Variants in ARHGAP24 observed in about 807,000 individuals in gnomAD.
The protein encoded by ARHGAP24 is Rho GTPase activating protein 24, also known as rho GTPase-activating protein 24.
In ARHGAP24, 50 loss-of-function variants were observed where a neutral mutation model predicts 76.4. That is an observed-to-expected ratio of 0.65 (90% CI 0.52 to 0.83). The LOEUF (loss-of-function observed/expected upper bound fraction) is 0.83, where lower values mean the gene tolerates loss of function less well. Among genes scored for constraint, ARHGAP24 ranks in the 40% least tolerant of loss-of-function variants. ARHGAP24 has a pLI of 0.00. For missense variants in ARHGAP24, 930 were observed against 914.2 expected, an observed-to-expected ratio of 1.02 and a Z score of -0.22; for synonymous variants, 345 against 323.3, an observed-to-expected ratio of 1.07 and a Z score of -0.72.
chr4:85,553,292 G>A lies in ARHGAP24; in HGVS notation c.-20-17230G>A, dbSNP rs191376031. Among the ~76,000 whole-genome samples, 39 of 152,240 alleles carry A rather than the reference G, an allele frequency of 2.6e-4. 1 individual carries two copies. Among genetic ancestry groups the A allele is most frequent in the African/African-American group, 7.5e-4 (31 of 41,536 alleles). The stretch of plus-strand genomic sequence containing the variant: ...GCTTACACAGCAGGGAAGGGGACCC[G>A]CAGTGGGTTGCCGCTACTGGCTCAG... On this transcript the variant is annotated intron_variant, in intron 1 of 9. Transcript: ENST00000395184.
intron 3 of ARHGAP24, among the ~76,000 whole-genome samples, chr4:85,797,275 C>G (rs1268986229): frequency 2.0e-5 from 3 of 152,034 alleles, no homozygotes; most frequent in Non-Finnish European, 4.4e-5. Context: ...CGGGTTCACG[C>G]CATTCTCCTG....
At chr4:85,664,416 G>T (rs919669169) in intron 2 of ARHGAP24, among the ~76,000 whole-genome samples, 6 of 151,022 alleles carry the variant, frequency 4.0e-5, no homozygotes, top group African/African-American at 1.5e-4. Flanking sequence ...TTCTGTATTA[G>T]TCTTGCTAGC....
At chr4:85,619,962 A>G (rs1246922449) in intron 2 of ARHGAP24, among the ~76,000 whole-genome samples, 1 of 151,850 alleles carries the variant, frequency 6.6e-6, no homozygotes, top group Non-Finnish European at 1.5e-5. Flanking sequence ...TATTTATTAC[A>G]TTTATTGTTT....
chr4:85,740,697 G>T (rs535430307), intron 3 of ARHGAP24, among the ~76,000 whole-genome samples: 1 of 151,930 alleles, frequency 6.6e-6, no homozygotes, highest in African/African-American at 2.4e-5. Flanking sequence ...CTCTCTTCTC[G>T]TCCTTCTTTC....
chr4:85,882,591 C>T (rs932949345), intron 3 of ARHGAP24, among the ~76,000 whole-genome samples: 2 of 152,098 alleles, frequency 1.3e-5, no homozygotes, highest in Non-Finnish European at 2.9e-5. Flanking sequence ...TTTGTGGTTC[C>T]TCTATATTCT....
At chr4:85,670,695 C>T (rs1309421064) in intron 2 of ARHGAP24, among the ~76,000 whole-genome samples, 4 of 152,186 alleles carry the variant, frequency 2.6e-5, no homozygotes, top group Non-Finnish European at 5.9e-5. Context: ...TAACTTAGGA[C>T]TACATTTGTT....
intron 3 of ARHGAP24, among the ~76,000 whole-genome samples, chr4:85,893,852 A>G (rs1733976816): frequency 6.7e-6 from 1 of 149,058 alleles, no homozygotes; most frequent in African/African-American, 2.5e-5. Flanking sequence ...CGCAAGAACA[A>G]AAAACCAAAC....
chr4:85,628,746 T>G (rs990565588), intron 2 of ARHGAP24, among the ~76,000 whole-genome samples: 7 of 152,378 alleles, frequency 4.6e-5, no homozygotes, highest in African/African-American at 1.7e-4. Flanking sequence ...ATAATGACCT[T>G]CTTTGTTTCT....
rs866849738 is a variant in ARHGAP24, at chr4:86,000,732, C to T, written c.*10C>T. On this transcript the variant is annotated 3_prime_UTR_variant, in exon 10 of 10. Transcript: ENST00000395184. Reference sequence around the variant, plus strand: ...AATATGGATTCAGTGAGCCTGCTTTCGCCTGCTGTCTCTGATGGCTCTGGC... The same window carrying T: ...AATATGGATTCAGTGAGCCTGCTTTTGCCTGCTGTCTCTGATGGCTCTGGC... 5.6e-6 allele frequency: 9 copies of T among 1,613,572 alleles called. No individual in the cohort carries two copies. The highest frequency in any genetic ancestry group is 7.6e-6 in the Non-Finnish European group (9 of 1,179,694).
intron 2 of ARHGAP24, among the ~76,000 whole-genome samples, chr4:85,640,093 T>C (rs191791748): frequency 6.6e-6 from 1 of 152,184 alleles, no homozygotes; most frequent in Non-Finnish European, 1.5e-5. Context: ...CAAATACAAA[T>C]AATCCATTCC....
intron 3 of ARHGAP24, among the ~76,000 whole-genome samples, chr4:85,791,282 T>C (rs1728109539): frequency 6.6e-6 from 1 of 152,214 alleles, no homozygotes. Context: ...ATGTGTTCAG[T>C]GTTATAAATT....
chr4:85,523,892 A>G (rs1346523447), intron 1 of ARHGAP24, among the ~76,000 whole-genome samples: 2 of 152,118 alleles, frequency 1.3e-5, no homozygotes, highest in East Asian at 3.9e-4. Flanking sequence ...CGGAGTTAAA[A>G]TTTTGTAGGA....
At chr4:85,683,737 A>G (rs1381691631) in intron 2 of ARHGAP24, among the ~76,000 whole-genome samples, 1 of 152,114 alleles carries the variant, frequency 6.6e-6, no homozygotes, top group Non-Finnish European at 1.5e-5. Flanking sequence ...TACTCACTGA[A>G]TAGCACTTGC....
chr4:85,510,219 T>G (rs925720389), intron 1 of ARHGAP24, among the ~76,000 whole-genome samples: 1 of 152,146 alleles, frequency 6.6e-6, no homozygotes, highest in Non-Finnish European at 1.5e-5. Context: ...ATAAGAGTAT[T>G]TTCCTCCATT....
chr4:85,972,294 C>A, intron 6 of ARHGAP24, 126 bp downstream of exon 6: 1 of 1,244,814 alleles, frequency 8.0e-7, no homozygotes, highest in Non-Finnish European at 1.1e-6. Context: ...TTGAATTGAC[C>A]TCACACACAC....
chr4:85,759,531 G>T (rs1466400628), intron 3 of ARHGAP24, among the ~76,000 whole-genome samples: 2 of 152,154 alleles, frequency 1.3e-5, no homozygotes, highest in Admixed American at 6.5e-5. Context: ...CAGAGTCTAG[G>T]GGGGTGGGTT....
chr4:85,527,064 G>C (rs988608420), intron 1 of ARHGAP24, among the ~76,000 whole-genome samples: 4 of 152,108 alleles, frequency 2.6e-5, no homozygotes, highest in African/African-American at 9.7e-5. Context: ...ATGTGAAATA[G>C]ATCAGTGTAA....
intron 3 of ARHGAP24, among the ~76,000 whole-genome samples, chr4:85,750,293 A>G (rs1306627850): frequency 2.6e-5 from 4 of 152,068 alleles, no homozygotes; most frequent in Non-Finnish European, 5.9e-5. Flanking sequence ...AGAGATTTCT[A>G]AATATCTATT....
intron 3 of ARHGAP24, among the ~76,000 whole-genome samples, chr4:85,741,032 A>T (rs1216947881): frequency 6.6e-6 from 1 of 152,216 alleles, no homozygotes. Context: ...CATTTTACAA[A>T]GAAATTGAAG....
Sources: allele counts gnomAD v4.1 joint callset (sites outside exome capture counted in the v4.1 genomes callset), GRCh38; gene constraint gnomAD v4.1.1; transcripts MANE v1.5; gene names NCBI Gene and HGNC (gene_info 2026-07-23, HGNC 2026-07-21).